The following AMOTL1 variants were observed in gnomAD, a reference collection of about 807,000 sequenced individuals.
AMOTL1 encodes angiomotin-like protein 1.
Under a neutral mutation model 102.9 loss-of-function variants are expected in AMOTL1, and 45 were observed. The observed-to-expected ratio is 0.44, with a 90% CI of 0.34 to 0.56. AMOTL1 has a LOEUF of 0.56. Among genes scored for constraint, AMOTL1 ranks in the 20% least tolerant of loss-of-function variants. The pLI is 0.01. For missense variants in AMOTL1, 1,114 were observed against 1,225.6 expected (o/e 0.91, Z 1.36); for synonymous variants, 481 against 484.7 (o/e 0.99, Z 0.10).
chr11:94,869,070 A>G, intron 11 of AMOTL1, 128 bp from the exon 12 acceptor site: 1 of 1,141,042 alleles, frequency 8.8e-7, no homozygotes, highest in Non-Finnish European at 1.2e-6. Context: ...TGTTTATTAA[A>G]TGCTTGGGGA....
At chr11:94,855,679 C>T (rs1237575854) in intron 8 of AMOTL1, among the ~76,000 whole-genome samples, 2 of 152,310 alleles carry the variant, frequency 1.3e-5, no homozygotes, top group South Asian at 2.1e-4. Flanking sequence ...AAACCAGACT[C>T]ACCTCCGTTA....
chr11:94,810,228 C>G (rs1951649124), intron 3 of AMOTL1, among the ~76,000 whole-genome samples: 1 of 152,148 alleles, frequency 6.6e-6, no homozygotes, highest in South Asian at 2.1e-4. Context: ...TTACAGAAAT[C>G]TATCATAGAA....
At position 94,742,227 on chromosome 11, in the gene AMOTL1, TATGAAA is replaced by T. The variant is rs1950537390; in HGVS notation, c.136+1240_136+1245del. 3.3e-5 allele frequency among the ~76,000 whole-genome samples: 5 copies of T among 152,274 alleles called. No homozygotes were observed. In the South Asian group the frequency reaches 1.0e-3, roughly 31 times the overall value. ...TAAGACATACTGTGGTGAATCATTT[TATGAAA>T]TGAAAGTGACATCTAAACCATAGCT... is the stretch of plus-strand genomic sequence containing the variant. On this transcript the variant is annotated intron_variant, in intron 3 of 4. Coordinates refer to the AMOTL1 transcript ENST00000299004.
intron 3 of AMOTL1, among the ~76,000 whole-genome samples, chr11:94,762,947 A>C (rs891201897): frequency 6.6e-6 from 1 of 152,246 alleles, no homozygotes; most frequent in African/African-American, 2.4e-5. Context: ...CGATCCCGCC[A>C]AACTACCTAT....
At chr11:94,861,025 C>T (rs907835743) in intron 9 of AMOTL1, among the ~76,000 whole-genome samples, 8 of 152,092 alleles carry the variant, frequency 5.3e-5, no homozygotes, top group African/African-American at 1.9e-4. Flanking sequence ...GCAGTGGGTG[C>T]CACAGCACAC....
At position 94,853,988 on chromosome 11, in the gene AMOTL1, C is replaced by T. The variant is rs1452140931; in HGVS notation, c.1850C>T (p.Thr617Ile). Residue 617 changes from threonine (T) to isoleucine (I), a missense_variant, in exon 8 of 13, where the codon ACC becomes ATC. By Grantham distance (89) the Thr-to-Ile change is moderately conservative. Transcript: ENST00000433060. ...EKVEKLQQAL[T>I]QLQSACEKRE... is the part of the protein sequence containing the mutation. ...GTTGAGAAGCTGCAGCAGGCCCTGA[C>T]CCAGCTGCAGTCTGCATGTGAGAAG... 2 of 1,602,014 alleles carry T rather than the reference C, an allele frequency of 1.2e-6. No homozygotes were observed. Among genetic ancestry groups the T allele is most frequent in the African/African-American group, 1.3e-5 (1 of 74,888 alleles).
At chr11:94,844,379 C>T (rs1212770053) in intron 6 of AMOTL1, among the ~76,000 whole-genome samples, 1 of 152,166 alleles carries the variant, frequency 6.6e-6, no homozygotes, top group Non-Finnish European at 1.5e-5. Flanking sequence ...CCCCCAAATC[C>T]AGTTGGTTAA....
chr11:94,798,345 C>A (rs571349276), intron 2 of AMOTL1, among the ~76,000 whole-genome samples: 5 of 151,856 alleles, frequency 3.3e-5, no homozygotes, highest in African/African-American at 1.2e-4. Context: ...GAGATTGGCA[C>A]GGGAATAAGA....
rs1261499496 is a variant in AMOTL1 at position 94,871,178 on chromosome 11, T to C, written c.*383T>C. Reference sequence around the variant, plus strand: ...ATCCTTGGAATACCCCCATTCTCCTTGCCTCTTAGCATGTTTGATTTAAGA... The same window carrying C: ...ATCCTTGGAATACCCCCATTCTCCTCGCCTCTTAGCATGTTTGATTTAAGA... On this transcript the variant is annotated 3_prime_UTR_variant, in exon 13 of 13. Transcript: ENST00000433060. 6.3e-6 allele frequency: 1 copy of C among 158,026 alleles called. No homozygotes were observed. Among genetic ancestry groups the C allele is most frequent in the Admixed American group, 6.3e-5 (1 of 15,790 alleles). 9.8% of individuals were successfully genotyped at this position (158,026 alleles called of 1,614,324 possible).
At chr11:94,836,354 G>C (rs1256718706) in intron 6 of AMOTL1, among the ~76,000 whole-genome samples, 5 of 152,152 alleles carry the variant, frequency 3.3e-5, no homozygotes, top group African/African-American at 1.2e-4. Context: ...TCCTGACTCT[G>C]GGCTCCTTGG....
intron 1 of AMOTL1, among the ~76,000 whole-genome samples, chr11:94,793,749 A>G (rs1781379523): frequency 6.6e-6 from 1 of 152,260 alleles, no homozygotes; most frequent in Non-Finnish European, 1.5e-5. Flanking sequence ...AGATACTGTC[A>G]TGCATTGGAA....
chr11:94,739,589 G>A (rs1291690915), intron 2 of AMOTL1, among the ~76,000 whole-genome samples: 1 of 152,152 alleles, frequency 6.6e-6, no homozygotes, highest in African/African-American at 2.4e-5. Flanking sequence ...TGCTGCAGCT[G>A]GTGCTCTGAT....
rs185293056 is a variant in AMOTL1, at chr11:94,754,153, C to T, written c.136+13165C>T. 7.2e-5 allele frequency among the ~76,000 whole-genome samples: 11 copies of T among 152,260 alleles called. No homozygotes were observed. In the East Asian group the frequency reaches 1.9e-3, roughly 27 times the overall value. ...CAGCACATATTTGGCACTCTATGAGCAATTTCAATTATTGTTGTTATTATA... is the reference window on the plus strand; with the variant it reads ...CAGCACATATTTGGCACTCTATGAGTAATTTCAATTATTGTTGTTATTATA... On this transcript the variant is annotated intron_variant, in intron 3 of 4. Transcript: ENST00000299004.
intron 3 of AMOTL1, among the ~76,000 whole-genome samples, chr11:94,753,305 GCT>G (rs373851487): frequency 0.07 from 9,610 of 137,336 alleles, 657 homozygotes; most frequent in East Asian, 0.27. Flanking sequence ...CTGCTTTCCT[GCT>G]TTTTTTTTTT....
intron 1 of AMOTL1, among the ~76,000 whole-genome samples, chr11:94,723,014 C>T (rs1950197982): frequency 6.6e-6 from 1 of 152,086 alleles, no homozygotes; most frequent in Non-Finnish European, 1.5e-5. Flanking sequence ...TGCCTACTGG[C>T]AGAAGTTAAT....
chr11:94,817,405 C>T (rs921576121), intron 3 of AMOTL1, among the ~76,000 whole-genome samples: 13 of 152,096 alleles, frequency 8.5e-5, no homozygotes, highest in African/African-American at 2.9e-4. Flanking sequence ...CCAAAAAAGA[C>T]ATATTCAGCT....
In AMOTL1 at chr11:94,747,186, T is replaced by C. The variant is rs548230667; in HGVS notation, c.136+6198T>C. Among the ~76,000 whole-genome samples, 6 of 152,314 alleles carry C rather than the reference T, an allele frequency of 3.9e-5. No homozygotes were observed. In the East Asian group the frequency reaches 9.7e-4, roughly 25 times the overall value. On this transcript the variant is annotated intron_variant, in intron 3 of 4. Transcript: ENST00000299004. ...TGCTTATTTTAGAAAATCTGGACTT[T>C]AGAAAGAATAGGTGGGGGAGCTCAC...
intron 12 of AMOTL1, among the ~76,000 whole-genome samples, chr11:94,870,013 G>A (rs931436557): frequency 1.3e-5 from 2 of 152,202 alleles, no homozygotes; most frequent in Admixed American, 6.5e-5. Flanking sequence ...GGTGATCTTT[G>A]CAGTGAGTCC....
chr11:94,747,796 G>C (rs1234129474), intron 3 of AMOTL1, among the ~76,000 whole-genome samples: 1 of 152,198 alleles, frequency 6.6e-6, no homozygotes, highest in Non-Finnish European at 1.5e-5. Context: ...TAGGGGCTCA[G>C]ATTCTTTCAG....
Sources: allele counts gnomAD v4.1 joint callset (sites outside exome capture counted in the v4.1 genomes callset), GRCh38; gene constraint gnomAD v4.1.1; transcripts MANE v1.5; gene names NCBI Gene and HGNC (gene_info 2026-07-23, HGNC 2026-07-21).